PPEF2: variants seen among roughly 807,000 people sequenced by gnomAD.
PPEF2 encodes the protein protein phosphatase with EF-hand domain 2.
In PPEF2, 84 loss-of-function variants were observed where a neutral mutation model predicts 84.7. That is an observed-to-expected ratio of 0.99 (90% CI 0.83 to 1.19). PPEF2 has a LOEUF of 1.19. PPEF2 is among the 50% of genes most tolerant of loss of function. The pLI, the probability that PPEF2 is intolerant of heterozygous loss-of-function variation, is 0.00. For missense variants in PPEF2, 924 were observed against 937.5 expected, an observed-to-expected ratio of 0.99 and a Z score of 0.19; for synonymous variants, 346 against 345.2, an observed-to-expected ratio of 1.00 and a Z score of -0.03.
intron 13 of PPEF2, among the ~76,000 whole-genome samples, chr4:75,871,454 A>G (rs1395657527): frequency 6.6e-6 from 1 of 151,716 alleles, no homozygotes; most frequent in Non-Finnish European, 1.5e-5. Context: ...CATGGAGAAT[A>G]ATTTCTTCTT....
intron 12 of PPEF2, 105 bp from the exon 13 acceptor site, chr4:75,872,272 G>A (rs1724300568): frequency 1.8e-6 from 2 of 1,092,918 alleles, no homozygotes; most frequent in Non-Finnish European, 1.3e-6. Flanking sequence ...GTTTCTCCTA[G>A]TGCTCATCTG....
intron 5 of PPEF2, chr4:75,888,977 T>C (rs4505851): frequency 0.89 from 135,081 of 152,530 alleles, 61,871 homozygotes; most frequent in Non-Finnish European, 1. Flanking sequence ...TTTGGGAGGC[T>C]GAGGTAGGCA....
At position 75,860,109 on chromosome 4, in the gene PPEF2, G is replaced by C. The variant is rs1343661945; in HGVS notation, c.*558C>G. 1 of 152,606 alleles carries C rather than the reference G, an allele frequency of 6.6e-6. No individual in the cohort carries two copies. Among genetic ancestry groups the C allele is most frequent in the Non-Finnish European group, 1.5e-5 (1 of 68,314 alleles). The allele number at this position is 152,606 out of a possible 1,614,324, so 9.5% of individuals were successfully genotyped here. ...CATGCCTGTAATCCCAGCACTTTGG[G>C]AGGCTGAGGAGGGTGGATCACCTGA... is the stretch of plus-strand genomic sequence containing the variant. On this transcript the variant is annotated 3_prime_UTR_variant, in exon 17 of 17. Transcript: ENST00000286719.
chr4:75,872,067 T>C lies in PPEF2; in HGVS notation c.1607A>G (p.Tyr536Cys). Residue 536 changes from tyrosine (Y) to cysteine (C), a missense_variant, in exon 13 of 17, where the codon TAT becomes TGT. Physicochemically the swap from Tyr to Cys is radical, Grantham distance 194. Transcript: ENST00000286719. ...GPALTPHIVQ[Y>C]QANKVTHTLT... ...TGTGTGGGTCACCTTGTTAGCTTGA[T>C]ACTGCACAATATGTGGGGTCAGGGC... 1 of 1,614,016 alleles carries C rather than the reference T, an allele frequency of 6.2e-7. No homozygotes were observed. The highest frequency in any genetic ancestry group is 8.5e-7 in the Non-Finnish European group (1 of 1,179,918).
chr4:75,894,239 G>A (rs1182877340), intron 2 of PPEF2, among the ~76,000 whole-genome samples: 1 of 152,032 alleles, frequency 6.6e-6, no homozygotes, highest in East Asian at 1.9e-4. Context: ...GAATATTTAT[G>A]TCTCTATATA....
chr4:75,860,736 G>T lies in PPEF2; in HGVS notation c.2193C>A (p.Gly731=). The T allele has an allele frequency of 6.2e-7, 1 of 1,614,220 alleles. No individual in the cohort carries two copies. The highest frequency in any genetic ancestry group is 1.1e-5 in the South Asian group (1 of 91,082). The part of the protein sequence containing the change: ...FRLVEKSCPE[G]DASECPQATN... The stretch of plus-strand genomic sequence containing the variant: ...TAGCTTGTGGGCATTCTGAGGCATC[G>T]CCCTCTGGGCAGGATTTCTCCACAA... The change falls in exon 17 of 17, where the codon GGC becomes GGA. Residue 731 remains glycine (G), a synonymous_variant. Coordinates refer to ENST00000286719, the MANE Select transcript of PPEF2 (RefSeq NM_006239.3).
intron 1 of PPEF2, among the ~76,000 whole-genome samples, chr4:75,901,022 T>C (rs963208455): frequency 2.0e-5 from 3 of 152,050 alleles, no homozygotes; most frequent in African/African-American, 7.2e-5. Context: ...GAGAAAGAGG[T>C]TGGGTGAGAG....
At position 75,872,079 on chromosome 4, in the gene PPEF2, T is replaced by C. The variant is rs757808446; in HGVS notation, c.1595A>G (p.His532Arg). 10 of 1,613,648 alleles carry C rather than the reference T, an allele frequency of 6.2e-6. No individual in the cohort carries two copies. The Admixed American group carries it at 8.3e-5, about 13-fold the overall frequency. ...YVKLGPALTP[H>R]IVQYQANKVT... ...CTTGTTAGCTTGATACTGCACAATA[T>C]GTGGGGTCAGGGCTGGCCCCAGTTT... The change falls in exon 13 of 17, where the codon CAT (histidine) becomes CGT (arginine). Residue 532 changes from histidine (H) to arginine (R), a missense_variant. Physicochemically the swap from His to Arg is conservative, Grantham distance 29. Transcript: ENST00000286719.
chr4:75,885,672 T>C (rs2149223786), intron 7 of PPEF2, among the ~76,000 whole-genome samples: 1 of 152,248 alleles, frequency 6.6e-6, no homozygotes, highest in African/African-American at 2.4e-5. Context: ...AAGACCAGCC[T>C]GGCCAACATG....
intron 11 of PPEF2, among the ~76,000 whole-genome samples, chr4:75,874,938 G>C (rs1383521278): frequency 1.5e-5 from 2 of 134,626 alleles, no homozygotes; most frequent in Non-Finnish European, 3.1e-5. Flanking sequence ...GTCTCGCTCT[G>C]TCGCCCAGGA....
chr4:75,895,864 C>T (rs867031369), intron 2 of PPEF2, among the ~76,000 whole-genome samples: 2 of 151,552 alleles, frequency 1.3e-5, no homozygotes, highest in Admixed American at 1.3e-4. Context: ...GTGTGACCCA[C>T]AACTCCTGGC....
At chr4:75,861,380 A>AT (rs1355994108) in intron 16 of PPEF2, among the ~76,000 whole-genome samples, 1 of 151,376 alleles carries the variant, frequency 6.6e-6, no homozygotes, top group Admixed American at 6.6e-5. Flanking sequence ...TAGTCAATTG[A>AT]TTTTTTTACA....
At chr4:75,889,901 T>C in intron 5 of PPEF2, 56 bp downstream of exon 5, 2 of 1,577,752 alleles carry the variant, frequency 1.3e-6, no homozygotes, top group Non-Finnish European at 8.7e-7. Context: ...GGGTTTCGTC[T>C]CCCTTCACAC....
At position 75,884,710 on chromosome 4, in the gene PPEF2, C is replaced by G. The variant is rs141331819; in HGVS notation, c.630G>C (p.Val210=). Residue 210 remains valine, a synonymous_variant, in exon 8 of 17, where the codon GTG becomes GTC. Coordinates refer to ENST00000286719, the MANE Select transcript of PPEF2 (RefSeq NM_006239.3). ...TCTCTACTGAATCCTTGCCTCGATC[C>G]ACAAAGTCACCGTTGAACACATATG... ...ERSYVFNGDF[V]DRGKDSVEIL... is the part of the protein sequence containing the mutation. The G allele has an allele frequency of 2.3e-5, 37 of 1,612,856 alleles. No individual in the cohort carries two copies. The African/African-American group carries it at 4.3e-4, about 19-fold the overall frequency.
chr4:75,883,094 A>C lies in PPEF2; in HGVS notation c.784-19T>G. 6.2e-7 allele frequency: 1 copy of C among 1,613,898 alleles called. No homozygotes were observed. The highest frequency in any genetic ancestry group is 8.5e-7 in the Non-Finnish European group (1 of 1,179,840). On this transcript the variant is annotated intron_variant, in intron 9 of 16. Coordinates refer to ENST00000286719, the MANE Select transcript of PPEF2 (RefSeq NM_006239.3). ...CGTGTACCTGGAAAAAATGATATAA[A>C]CAAAATGTTATCAAATAATTCACTC...
At chr4:75,898,257 G>C (rs571289358) in intron 1 of PPEF2, among the ~76,000 whole-genome samples, 1 of 152,228 alleles carries the variant, frequency 6.6e-6, no homozygotes. Flanking sequence ...ACATGTCACA[G>C]TGCTGCAGAG....
At chr4:75,878,009 G>T (rs1724473140) in intron 10 of PPEF2, among the ~76,000 whole-genome samples, 1 of 152,138 alleles carries the variant, frequency 6.6e-6, no homozygotes, top group African/African-American at 2.4e-5. Context: ...CAAAGAAAAA[G>T]AATCAAAGTA....
At chr4:75,869,212 T>C (rs758822359) in intron 13 of PPEF2, among the ~76,000 whole-genome samples, 5 of 152,248 alleles carry the variant, frequency 3.3e-5, no homozygotes, top group Non-Finnish European at 7.3e-5. Flanking sequence ...TGGAGAGTTA[T>C]GCAGGGATGG....
chr4:75,899,354 G>A (rs556988971), intron 1 of PPEF2, among the ~76,000 whole-genome samples: 1 of 152,202 alleles, frequency 6.6e-6, no homozygotes, highest in African/African-American at 2.4e-5. Context: ...TACTGATTTT[G>A]CTTCCTTTGG....
Sources: gnomAD v4.1 joint callset for allele counts (sites outside exome capture counted in the v4.1 genomes callset) on GRCh38, gnomAD v4.1.1 for gene constraint, MANE v1.5 for transcripts, NCBI Gene and HGNC (gene_info 2026-07-23, HGNC 2026-07-21) for gene names.